Variants in NCOA3 observed in about 807,000 individuals in gnomAD.
NCOA3 encodes the protein CBP-interacting protein.
A neutral mutation model predicts 158.8 loss-of-function variants in NCOA3; 51 were observed. The observed-to-expected ratio is 0.32, with a 90% CI of 0.26 to 0.41. The LOEUF is 0.41. Ranked by LOEUF, NCOA3 falls within the 10% of genes least tolerant of loss-of-function variation. The pLI, the probability that NCOA3 is intolerant of heterozygous loss-of-function variation, is 1.00. For missense variants in NCOA3, 1,510 were observed against 1,746.6 expected, an observed-to-expected ratio of 0.86 and a Z score of 2.41; for synonymous variants, 537 against 592.4, an observed-to-expected ratio of 0.91 and a Z score of 1.36.
At chr20:47,538,792 C>T (rs1754395909) in intron 1 of NCOA3, among the ~76,000 whole-genome samples, 1 of 152,326 alleles carries the variant, frequency 6.6e-6, no homozygotes, top group Admixed American at 6.5e-5. Flanking sequence ...GATCCTCCCA[C>T]CTTGGCCTCC....
chr20:47,594,327 TG>T (rs1187869336), intron 2 of NCOA3, among the ~76,000 whole-genome samples: 4 of 152,198 alleles, frequency 2.6e-5, no homozygotes, highest in African/African-American at 9.6e-5. Context: ...TGCTAACTGC[TG>T]TTACACCACT....
At chr20:47,502,359 T>G (rs568912702) in intron 1 of NCOA3, among the ~76,000 whole-genome samples, 2 of 152,122 alleles carry the variant, frequency 1.3e-5, no homozygotes, top group Non-Finnish European at 2.9e-5. Context: ...CTAAAGTTTT[T>G]TCTTCCTCTT....
chr20:47,567,480 C>G (rs1164838540), intron 1 of NCOA3, among the ~76,000 whole-genome samples: 2 of 151,996 alleles, frequency 1.3e-5, no homozygotes, highest in Non-Finnish European at 2.9e-5. Context: ...ACAGCTCACT[C>G]AACCTCGAAC....
intron 1 of NCOA3, among the ~76,000 whole-genome samples, chr20:47,545,125 A>G (rs1268121817): frequency 1.4e-5 from 2 of 139,826 alleles, no homozygotes; most frequent in African/African-American, 5.5e-5. Context: ...TTTTTCTTTG[A>G]GCAATGTAGC....
intron 1 of NCOA3, among the ~76,000 whole-genome samples, chr20:47,502,300 C>A (rs570647449): frequency 6.6e-6 from 1 of 152,222 alleles, no homozygotes; most frequent in South Asian, 2.1e-4. Context: ...GAGGGGTCAC[C>A]CGAGGAGTTT....
intron 1 of NCOA3, among the ~76,000 whole-genome samples, chr20:47,574,973 T>C (rs1159656448): frequency 6.6e-6 from 1 of 152,210 alleles, no homozygotes; most frequent in Non-Finnish European, 1.5e-5. Flanking sequence ...GGAATGGAAA[T>C]ATTTTAATCT....
At chr20:47,578,180 A>T (rs954598465) in intron 1 of NCOA3, among the ~76,000 whole-genome samples, 1 of 152,152 alleles carries the variant, frequency 6.6e-6, no homozygotes, top group Non-Finnish European at 1.5e-5. Context: ...ACCATTTTAT[A>T]TAACTTTATT....
rs539764322 is a variant in NCOA3 at position 47,582,913 on chromosome 20, A to G, written c.-98-270A>G. Among the ~76,000 whole-genome samples, 4 of 152,024 alleles carry G rather than the reference A, an allele frequency of 2.6e-5. No individual in the cohort carries two copies. The highest frequency in any genetic ancestry group is 3.9e-4 in the East Asian group (2 of 5,140). Reference sequence around the variant, plus strand: ...AGGTTCAAGTGATTCTCCTGCTTCAACCTCCTGAGTAGTTGGGATTACAGG... The same window carrying G: ...AGGTTCAAGTGATTCTCCTGCTTCAGCCTCCTGAGTAGTTGGGATTACAGG... On this transcript the variant is annotated intron_variant, in intron 1 of 22. Transcript: ENST00000371998.
intron 2 of NCOA3, among the ~76,000 whole-genome samples, chr20:47,590,045 C>G (rs903459682): frequency 6.6e-6 from 1 of 151,994 alleles, no homozygotes; most frequent in Admixed American, 6.6e-5. Context: ...AAATAATCCC[C>G]CTGCATTGGT....
At chr20:47,544,216 GT>G (rs913995717) in intron 1 of NCOA3, among the ~76,000 whole-genome samples, 15 of 111,426 alleles carry the variant, frequency 1.3e-4, no homozygotes, top group African/African-American at 4.9e-4. Flanking sequence ...TCTCCCTTTT[GT>G]TTTTTTGGGG....
chr20:47,588,778 C>CT (rs1045535864), intron 2 of NCOA3, among the ~76,000 whole-genome samples: 4 of 152,146 alleles, frequency 2.6e-5, no homozygotes, highest in Middle Eastern at 6.8e-3. Context: ...TTGCACTTTG[C>CT]TTTTTTTCCT....
chr20:47,575,138 A>T (rs2085352495), intron 1 of NCOA3, among the ~76,000 whole-genome samples: 1 of 152,172 alleles, frequency 6.6e-6, no homozygotes, highest in Admixed American at 6.5e-5. Context: ...CTGCAGCTGC[A>T]GTGCTAGGCA....
chr20:47,636,398 C>T lies in NCOA3; in HGVS notation c.2012C>T (p.Ser671Phe). The T allele has an allele frequency of 6.2e-7, 1 of 1,614,162 alleles. No individual in the cohort carries two copies. Among genetic ancestry groups the T allele is most frequent in the Non-Finnish European group, 8.5e-7 (1 of 1,180,028 alleles). The change falls in exon 12 of 23, where the codon TCC becomes TTC. Residue 671 changes from serine (S) to phenylalanine (F), a missense_variant. Ser to Phe is a radical substitution (Grantham distance 155). This residue lies in a region of NCOA3 where 1,017 missense variants were observed against 1,098.3 expected (regional missense o/e 0.93). Transcript: ENST00000371998. ...ACATCTGGAGGAGTATCCTCTACAT[C>T]CAATATGCATGGGTCACTGTTACAA... ...SSTSGGVSST[S>F]NMHGSLLQEK...
intron 1 of NCOA3, among the ~76,000 whole-genome samples, chr20:47,548,803 A>C (rs1353247879): frequency 6.6e-6 from 1 of 152,070 alleles, no homozygotes; most frequent in Non-Finnish European, 1.5e-5. Context: ...AAGAAGGGCC[A>C]CTCTGTTCTG....
At chr20:47,595,994 T>G (rs118014800) in intron 2 of NCOA3, among the ~76,000 whole-genome samples, 1 of 152,302 alleles carries the variant, frequency 6.6e-6, no homozygotes, top group Non-Finnish European at 1.5e-5. Context: ...AACACTAAAA[T>G]TACACATTAT....
chr20:47,609,558 T>C (rs1449696680), intron 2 of NCOA3, among the ~76,000 whole-genome samples: 4 of 152,074 alleles, frequency 2.6e-5, no homozygotes, highest in Non-Finnish European at 5.9e-5. Context: ...TGAAACCCCA[T>C]CTCTACTAAA....
chr20:47,581,441 C>T (rs182039797), intron 1 of NCOA3, among the ~76,000 whole-genome samples: 1 of 152,240 alleles, frequency 6.6e-6, no homozygotes. Context: ...CACAACAGAC[C>T]TTTCCATAAT....
intron 4 of NCOA3, 134 bp downstream of exon 4, chr20:47,624,217 AC>A: frequency 1.5e-6 from 1 of 666,492 alleles, no homozygotes; most frequent in Non-Finnish European, 2.5e-6. Context: ...CAAGCACATT[AC>A]GTTTGTGGTG....
intron 3 of NCOA3, 77 bp from the exon 4 acceptor site, chr20:47,623,834 G>T: frequency 7.3e-7 from 1 of 1,372,960 alleles, no homozygotes; most frequent in Non-Finnish European, 1.0e-6. Context: ...GTTGTATAGG[G>T]GCTGATTCTG....
Sources: gnomAD v4.1 joint callset for allele counts (sites outside exome capture counted in the v4.1 genomes callset) on GRCh38, gnomAD v4.1.1 for gene constraint, gnomAD v4.1.1 regional missense constraint, MANE v1.5 for transcripts, NCBI Gene and HGNC (gene_info 2026-07-23, HGNC 2026-07-21) for gene names.